PVT1: variants seen among roughly 807,000 people sequenced by gnomAD.
The protein encoded by PVT1 is CXCR4/PVT1 fusion.
intron 3 of PVT1, among the ~76,000 whole-genome samples, chr8:127,912,079 T>C (rs574280953): frequency 6.6e-6 from 1 of 152,304 alleles, no homozygotes; most frequent in Non-Finnish European, 1.5e-5. Flanking sequence ...GTTTCTTCAC[T>C]TCTTGGAGCA....
chr8:127,918,807 G>A (rs1414016213), intron 3 of PVT1, among the ~76,000 whole-genome samples: 1 of 152,168 alleles, frequency 6.6e-6, no homozygotes, highest in Non-Finnish European at 1.5e-5. Flanking sequence ...TTGAGTCGCT[G>A]CATTCTTTTC....
At chr8:128,031,204 C>T (rs559431262) in intron 4 of PVT1, among the ~76,000 whole-genome samples, 7 of 152,292 alleles carry the variant, frequency 4.6e-5, no homozygotes, top group East Asian at 3.9e-4. Context: ...TCCCGGGCTG[C>T]GTGGCGGGTG....
intron 2 of PVT1, among the ~76,000 whole-genome samples, chr8:127,824,976 T>A (rs1275525276): frequency 6.6e-6 from 1 of 151,870 alleles, no homozygotes; most frequent in African/African-American, 2.4e-5. Context: ...AAAAATTAGC[T>A]GGGTGTGGTG....
intron 4 of PVT1, among the ~76,000 whole-genome samples, chr8:127,997,164 C>T (rs1817117036): frequency 6.7e-6 from 1 of 150,354 alleles, no homozygotes; most frequent in Non-Finnish European, 1.5e-5. Flanking sequence ...AAGCGATTCT[C>T]CCCAGTAGCT....
chr8:128,044,015 A>ATTTTT (rs763124076), intron 4 of PVT1, among the ~76,000 whole-genome samples: 2 of 127,352 alleles, frequency 1.6e-5, no homozygotes, highest in Admixed American at 7.8e-5. Flanking sequence ...TTATTTATTT[A>ATTTTT]TTTTTTTTTT....
At chr8:127,846,262 G>A (rs1305171661) in intron 2 of PVT1, among the ~76,000 whole-genome samples, 2 of 152,236 alleles carry the variant, frequency 1.3e-5, no homozygotes, top group Non-Finnish European at 2.9e-5. Flanking sequence ...GGTAAGACCC[G>A]GTTACTTGGC....
chr8:127,851,929 C>T (rs1054812816), intron 2 of PVT1: 1 of 152,278 alleles, frequency 6.6e-6, no homozygotes, highest in African/African-American at 2.4e-5. Flanking sequence ...TTCTTGCCTT[C>T]CTAGGTGGGA....
intron 4 of PVT1, among the ~76,000 whole-genome samples, chr8:128,044,403 C>T (rs1375124054): frequency 6.6e-6 from 1 of 152,148 alleles, no homozygotes; most frequent in Non-Finnish European, 1.5e-5. Context: ...TAAGTGCCTA[C>T]TAAATATTTG....
At chr8:127,871,432 G>A (rs910067460) in intron 2 of PVT1, among the ~76,000 whole-genome samples, 1 of 152,252 alleles carries the variant, frequency 6.6e-6, no homozygotes, top group Non-Finnish European at 1.5e-5. Flanking sequence ...TCCTAGGTTT[G>A]TGTGATGTCG....
At chr8:127,987,253 A>G (rs536437812) in intron 3 of PVT1, among the ~76,000 whole-genome samples, 2 of 152,142 alleles carry the variant, frequency 1.3e-5, no homozygotes, top group African/African-American at 4.8e-5. Context: ...GTCTCATTTA[A>G]TCCTGTCAGC....
intron 2 of PVT1, among the ~76,000 whole-genome samples, chr8:127,886,387 C>T (rs948349275): frequency 6.6e-6 from 1 of 152,064 alleles, no homozygotes; most frequent in Non-Finnish European, 1.5e-5. Context: ...CACTTTCATC[C>T]CTTCCCACCC....
In PVT1 at chr8:127,997,222, G is replaced by A. The variant is rs573742762; in HGVS notation, n.912+7931G>A. On this transcript the variant is annotated intron_variant and non_coding_transcript_variant, in intron 4 of 10. Coordinates refer to ENST00000651587, the Ensembl canonical transcript of PVT1. ...ACGTCCGGCTAATTTTGTATTTTTA[G>A]TAGTGATGGGGTTTCTCCGTGTTGG... Among the ~76,000 whole-genome samples, 189 of 151,972 alleles carry A rather than the reference G, an allele frequency of 1.2e-3. 1 individual carries two copies. Among genetic ancestry groups the A allele is most frequent in the African/African-American group, 4.4e-3 (184 of 41,456 alleles).
At chr8:128,047,213 C>T (rs889668803) in intron 4 of PVT1, among the ~76,000 whole-genome samples, 2 of 152,192 alleles carry the variant, frequency 1.3e-5, no homozygotes, top group Admixed American at 1.3e-4. Flanking sequence ...TAGCCTTGGG[C>T]TTTCTGTGTT....
intron 4 of PVT1, among the ~76,000 whole-genome samples, chr8:128,049,897 T>A (rs1470813504): frequency 6.6e-6 from 1 of 152,162 alleles, no homozygotes; most frequent in Non-Finnish European, 1.5e-5. Context: ...TTGCCTCTCA[T>A]TTGCCCTGAA....
intron 3 of PVT1, among the ~76,000 whole-genome samples, chr8:127,937,405 C>T (rs1039526475): frequency 7.9e-5 from 12 of 151,802 alleles, no homozygotes; most frequent in Non-Finnish European, 1.6e-4. Flanking sequence ...TGTGCCATCA[C>T]GCCCAGCTAA....
chr8:127,924,276 A>T (rs1816101109), intron 3 of PVT1, among the ~76,000 whole-genome samples: 1 of 152,196 alleles, frequency 6.6e-6, no homozygotes, highest in African/African-American at 2.4e-5. Context: ...CTTTATTGAG[A>T]TATAATTCAC....
chr8:128,052,362 C>T (rs1417268427), intron 4 of PVT1, among the ~76,000 whole-genome samples: 1 of 152,188 alleles, frequency 6.6e-6, no homozygotes, highest in East Asian at 1.9e-4. Context: ...AAGGGTTTCT[C>T]TCTTCATGCT....
At chr8:128,027,708 G>A (rs535488911) in intron 4 of PVT1, among the ~76,000 whole-genome samples, 52 of 152,334 alleles carry the variant, frequency 3.4e-4, no homozygotes, top group Admixed American at 9.1e-4. Flanking sequence ...GGGCCCTGGT[G>A]TTCTGGCCCC....
chr8:127,858,802 A>ATTTTTTTTTTTTTTTT (rs1442302514), intron 2 of PVT1, among the ~76,000 whole-genome samples: 2 of 38,312 alleles, frequency 5.2e-5, no homozygotes, highest in Non-Finnish European at 1.2e-4. Flanking sequence ...ACACTTGAAG[A>ATTTTTTTTTTTTTTTT]TTCTTTTTTT....
Sources: allele counts gnomAD v4.1 joint callset (sites outside exome capture counted in the v4.1 genomes callset), GRCh38; gene constraint gnomAD v4.1.1; transcripts MANE v1.5; gene names NCBI Gene and HGNC (gene_info 2026-07-23, HGNC 2026-07-21).